HTR1E: variants seen among roughly 807,000 people sequenced by gnomAD.
The protein encoded by HTR1E is 5-hydroxytryptamine receptor 1E, also known as 5-HT-1E.
A neutral mutation model predicts 3.4 loss-of-function variants in HTR1E; 3 were observed. The observed-to-expected ratio is 0.89, with a 90% CI of 0.41 to 2.31. The LOEUF is 2.31. HTR1E is among the 30% of genes most tolerant of loss of function. The pLI is 0.05. For missense variants in HTR1E, 392 were observed against 467.0 expected (o/e 0.84, Z 1.48); for synonymous variants, 170 against 182.8 (o/e 0.93, Z 0.56).
intron 1 of HTR1E, among the ~76,000 whole-genome samples, chr6:86,951,099 G>C (rs986280166): frequency 1.3e-5 from 2 of 152,140 alleles, no homozygotes; most frequent in Non-Finnish European, 2.9e-5. Context: ...CATTCTTTCA[G>C]ATTCCATAGT....
chr6:86,940,336 G>C (rs1484747661), intron 1 of HTR1E, among the ~76,000 whole-genome samples: 3 of 152,048 alleles, frequency 2.0e-5, no homozygotes, highest in African/African-American at 7.2e-5. Flanking sequence ...ATGAGTTCGA[G>C]ACCAGCCTGA....
intron 1 of HTR1E, among the ~76,000 whole-genome samples, chr6:86,978,162 T>C (rs942478674): frequency 6.6e-6 from 1 of 152,206 alleles, no homozygotes; most frequent in African/African-American, 2.4e-5. Flanking sequence ...TTAGTTACTT[T>C]CCCAACATTC....
At chr6:86,953,909 G>A (rs1405510709) in intron 1 of HTR1E, among the ~76,000 whole-genome samples, 2 of 152,100 alleles carry the variant, frequency 1.3e-5, no homozygotes, top group Admixed American at 6.6e-5. Context: ...GAAAGTGAAG[G>A]GGGAGGTGCT....
At chr6:86,950,500 G>A (rs773707386) in intron 1 of HTR1E, among the ~76,000 whole-genome samples, 75 of 152,258 alleles carry the variant, frequency 4.9e-4, no homozygotes, top group Admixed American at 3.3e-3. Flanking sequence ...GGCTGCAAAG[G>A]TATTGAACAA....
At chr6:87,011,894 C>G (rs964000727) in intron 1 of HTR1E, among the ~76,000 whole-genome samples, 2 of 152,142 alleles carry the variant, frequency 1.3e-5, no homozygotes, top group East Asian at 3.8e-4. Context: ...AAAGGAATTT[C>G]TCCAATGGTC....
intron 1 of HTR1E, among the ~76,000 whole-genome samples, chr6:86,964,848 A>G (rs1169508749): frequency 2.0e-5 from 3 of 152,262 alleles, no homozygotes; most frequent in Non-Finnish European, 4.4e-5. Flanking sequence ...TAACTTGCAC[A>G]TAAAATTATA....
intron 1 of HTR1E, among the ~76,000 whole-genome samples, chr6:86,947,869 T>A (rs1483855466): frequency 6.6e-6 from 1 of 152,218 alleles, no homozygotes; most frequent in Non-Finnish European, 1.5e-5. Flanking sequence ...TCTTTTCCTT[T>A]TTTTAAAAAA....
chr6:86,996,665 C>A (rs908899982), intron 1 of HTR1E, among the ~76,000 whole-genome samples: 1 of 151,866 alleles, frequency 6.6e-6, no homozygotes, highest in Non-Finnish European at 1.5e-5. Context: ...TGAAATTGAT[C>A]AATACCTCAA....
intron 1 of HTR1E, among the ~76,000 whole-genome samples, chr6:86,997,105 A>C (rs535413199): frequency 6.6e-5 from 10 of 152,142 alleles, no homozygotes; most frequent in South Asian, 2.1e-4. Context: ...TGATGATATC[A>C]ATCAACACAG....
At chr6:87,001,766 G>C (rs1193764682) in intron 1 of HTR1E, among the ~76,000 whole-genome samples, 9 of 152,058 alleles carry the variant, frequency 5.9e-5, no homozygotes, top group African/African-American at 1.9e-4. Context: ...CATTTCCTGA[G>C]GAAGGAACTC....
intron 1 of HTR1E, among the ~76,000 whole-genome samples, chr6:86,959,326 C>A (rs1480291335): frequency 1.3e-5 from 2 of 152,124 alleles, no homozygotes; most frequent in East Asian, 3.9e-4. Context: ...ACACCTGTAA[C>A]TGCAGCACTC....
chr6:87,004,612 C>T (rs935740719), intron 1 of HTR1E, among the ~76,000 whole-genome samples: 3 of 152,038 alleles, frequency 2.0e-5, no homozygotes, highest in African/African-American at 7.2e-5. Context: ...ATAAAAGCCA[C>T]ATGACAGACC....
chr6:87,016,294 C>T lies in HTR1E; in HGVS notation c.960C>T (p.Thr320=), dbSNP rs61735408. The stretch of plus-strand genomic sequence containing the variant: ...TGATTGTGGGTCTGAGCATCTACAC[C>T]GTGTCCTCGGAAGTGGCCGACTTTC... ...KELIVGLSIY[T]VSSEVADFLT... The change falls in exon 2 of 2, where the codon ACC becomes ACT. Residue 320 remains threonine, a synonymous_variant. Coordinates refer to ENST00000305344, the MANE Select transcript of HTR1E (RefSeq NM_000865.3). The T allele has an allele frequency of 1.1e-4, 174 of 1,614,168 alleles. No homozygotes were observed. The African/African-American group carries it at 2.1e-3, about 20-fold the overall frequency.
chr6:87,012,984 T>A (rs1009997556), intron 1 of HTR1E, among the ~76,000 whole-genome samples: 8 of 152,166 alleles, frequency 5.3e-5, no homozygotes, highest in African/African-American at 1.9e-4. Context: ...AAATCAGGAC[T>A]TATGAAGTGA....
intron 1 of HTR1E, among the ~76,000 whole-genome samples, chr6:87,013,444 G>T (rs1041501999): frequency 3.3e-5 from 5 of 152,056 alleles, no homozygotes; most frequent in African/African-American, 1.2e-4. Flanking sequence ...TCCCCAAAAA[G>T]GTCCTCCATC....
At chr6:86,984,236 A>AT (rs1562067343) in intron 1 of HTR1E, among the ~76,000 whole-genome samples, 1 of 152,198 alleles carries the variant, frequency 6.6e-6, no homozygotes, top group African/African-American at 2.4e-5. Context: ...TATTTCATAT[A>AT]TTTCATTATA....
At chr6:86,991,392 A>G (rs1227200711) in intron 1 of HTR1E, among the ~76,000 whole-genome samples, 2 of 152,156 alleles carry the variant, frequency 1.3e-5, no homozygotes, top group Non-Finnish European at 2.9e-5. Flanking sequence ...AATGGGTAAA[A>G]CTGAATGAGG....
chr6:87,008,994 CTTG>C (rs1161075236), intron 1 of HTR1E, among the ~76,000 whole-genome samples: 2 of 151,774 alleles, frequency 1.3e-5, no homozygotes, highest in Non-Finnish European at 1.5e-5. Flanking sequence ...TTTTGGTTTG[CTTG>C]TTTTTATTTT....
chr6:86,961,403 T>C (rs1767404732), intron 1 of HTR1E, among the ~76,000 whole-genome samples: 1 of 152,246 alleles, frequency 6.6e-6, no homozygotes, highest in Non-Finnish European at 1.5e-5. Flanking sequence ...TTTAAGTCTT[T>C]CCCATTCTTA....
Sources: allele counts gnomAD v4.1 joint callset (sites outside exome capture counted in the v4.1 genomes callset), GRCh38; gene constraint gnomAD v4.1.1; transcripts MANE v1.5; gene names NCBI Gene and HGNC (gene_info 2026-07-23, HGNC 2026-07-21).